ADCY3: variants seen among roughly 807,000 people sequenced by gnomAD.
ADCY3 encodes the protein adenylate cyclase 3, also known as adenylate cyclase type 3.
ADCY3 carries 70 observed loss-of-function variants against 119.4 expected under a neutral mutation model. The ratio of observed to expected loss-of-function variants is 0.59; its 90% confidence interval spans 0.48 to 0.72. The LOEUF is 0.72. Among genes scored for constraint, ADCY3 ranks in the 30% least tolerant of loss-of-function variants. ADCY3 has a pLI of 0.00. For synonymous variants in ADCY3, 672 were observed against 621.4 expected (o/e 1.08, Z -1.21); for missense variants, 1,238 against 1,541.6 (o/e 0.80, Z 3.30).
At chr2:24,858,842 C>G (rs77966139) in intron 3 of ADCY3, among the ~76,000 whole-genome samples, 3 of 152,216 alleles carry the variant, frequency 2.0e-5, no homozygotes, top group Non-Finnish European at 4.4e-5. Context: ...TCAGGTCCAC[C>G]CTGACACAGC....
rs142739110 is a variant in ADCY3, at chr2:24,912,536, C to T, written c.675+5777G>A. ...CCCAGAAGGCTGGGCAGACCAAGCC[C>T]AGGAGTGAGCACGCATGTGTGTGTG... On this transcript the variant is annotated intron_variant, in intron 2 of 21. Transcript: ENST00000679454. Among the ~76,000 whole-genome samples the T allele has an allele frequency of 3.8e-3, 575 of 150,536 alleles. 4 individuals are homozygous for T. Among genetic ancestry groups the T allele is most frequent in the African/African-American group, 0.013 (546 of 41,034 alleles).
At chr2:24,893,083 C>T (rs1161433855) in intron 2 of ADCY3, among the ~76,000 whole-genome samples, 4 of 146,226 alleles carry the variant, frequency 2.7e-5, no homozygotes, top group Non-Finnish European at 5.9e-5. Flanking sequence ...ATGCAAGCTG[C>T]AGTGCAGTTG....
At chr2:24,832,823 C>T (rs887917948) in intron 11 of ADCY3, among the ~76,000 whole-genome samples, 8 of 152,164 alleles carry the variant, frequency 5.3e-5, no homozygotes, top group Admixed American at 3.9e-4. Flanking sequence ...GCAAACTTCA[C>T]GTGTCCCAAA....
intron 3 of ADCY3, among the ~76,000 whole-genome samples, chr2:24,851,242 C>G (rs1160889334): frequency 6.6e-6 from 1 of 151,976 alleles, no homozygotes; most frequent in Non-Finnish European, 1.5e-5. Context: ...CAGGCACGAA[C>G]CAAGGAGACA....
At chr2:24,853,218 T>C (rs1346566572) in intron 3 of ADCY3, among the ~76,000 whole-genome samples, 1 of 151,960 alleles carries the variant, frequency 6.6e-6, no homozygotes, top group East Asian at 1.9e-4. Flanking sequence ...TGCGATGTGT[T>C]TTGAGGTGGA....
chr2:24,828,086 T>C lies in ADCY3; in HGVS notation c.2248A>G (p.Asn750Asp), dbSNP rs778849471. Residue 750 changes from asparagine (N) to aspartate (D), a missense_variant, in exon 14 of 22, where the codon AAC becomes GAC. By Grantham distance (23) the Asn-to-Asp change is conservative. Transcript: ENST00000679454. ...GCCACATAGTTGTAATACTTGGGGT[T>C]CTCCAGGCAGCTGCCCTCCGTTTCC... Reference protein sequence around the residue: ...GMETEGSCLENPKYYNYVAVL... With the variant: ...GMETEGSCLEDPKYYNYVAVL... The C allele has an allele frequency of 1.9e-6, 3 of 1,614,174 alleles. No individual in the cohort carries two copies. Among genetic ancestry groups the C allele is most frequent in the Non-Finnish European group, 1.7e-6 (2 of 1,180,028 alleles).
intron 3 of ADCY3, among the ~76,000 whole-genome samples, chr2:24,848,985 T>C (rs748091214): frequency 6.6e-6 from 1 of 152,186 alleles, no homozygotes; most frequent in Middle Eastern, 3.4e-3. Context: ...GCATTCAGGG[T>C]GCTGCTTGGG....
intron 2 of ADCY3, among the ~76,000 whole-genome samples, chr2:24,890,462 T>C (rs1271594893): frequency 6.6e-6 from 1 of 152,254 alleles, no homozygotes; most frequent in Non-Finnish European, 1.5e-5. Context: ...TGGGGTTTCC[T>C]TTGTGGAAGG....
intron 2 of ADCY3, among the ~76,000 whole-genome samples, chr2:24,896,363 T>C (rs935594401): frequency 6.6e-6 from 1 of 151,976 alleles, no homozygotes; most frequent in African/African-American, 2.4e-5. Context: ...CCAGCCTGGG[T>C]AACAAAGTGA....
intron 2 of ADCY3, among the ~76,000 whole-genome samples, chr2:24,895,183 T>C (rs952659699): frequency 6.6e-6 from 1 of 152,096 alleles, no homozygotes; most frequent in Non-Finnish European, 1.5e-5. Context: ...CTCCTCCTCA[T>C]GGGTTCAAGC....
At position 24,830,706 on chromosome 2, in the gene ADCY3, C is replaced by T; in HGVS notation, c.2172+3G>A. The T allele has an allele frequency of 1.2e-6, 2 of 1,612,758 alleles. No individual in the cohort carries two copies. The highest frequency in any genetic ancestry group is 1.7e-6 in the Non-Finnish European group (2 of 1,179,012). Reference sequence around the variant, plus strand: ...CCCTTCAACAAGGACAGCAGGAGCTCACCATGTCCACGACATTTGCCATCA... The same window carrying T: ...CCCTTCAACAAGGACAGCAGGAGCTTACCATGTCCACGACATTTGCCATCA... On this transcript the variant is annotated splice_donor_region_variant and intron_variant, in intron 13 of 21. Coordinates refer to ENST00000679454, the MANE Select transcript of ADCY3 (RefSeq NM_004036.5).
intron 2 of ADCY3, among the ~76,000 whole-genome samples, chr2:24,873,014 C>G (rs576332052): frequency 7.2e-5 from 11 of 152,342 alleles, no homozygotes; most frequent in African/African-American, 2.2e-4. Context: ...TGTGGATCCC[C>G]CCTCCGGCTT....
chr2:24,895,430 G>A (rs1448586178), intron 2 of ADCY3, among the ~76,000 whole-genome samples: 1 of 151,994 alleles, frequency 6.6e-6, no homozygotes. Flanking sequence ...GTATTCTGTT[G>A]AGCTTCTTGA....
intron 8 of ADCY3, 77 bp from the exon 9 acceptor site, chr2:24,837,122 C>T (rs555387365): frequency 7.6e-5 from 115 of 1,507,164 alleles, no homozygotes; most frequent in Middle Eastern, 3.6e-4. Flanking sequence ...GTGACAAGGG[C>T]GTGGGAGGCG....
At chr2:24,896,392 A>T (rs932134943) in intron 2 of ADCY3, among the ~76,000 whole-genome samples, 2 of 152,166 alleles carry the variant, frequency 1.3e-5, no homozygotes, top group African/African-American at 4.8e-5. Context: ...TACAAAAAAA[A>T]AAAAGTTATT....
chr2:24,826,017 G>A (rs767487859), intron 16 of ADCY3, 28 bp downstream of exon 16: 4 of 1,608,802 alleles, frequency 2.5e-6, no homozygotes, highest in Non-Finnish European at 2.6e-6. Flanking sequence ...TGTGGGCACA[G>A]AGCGGGGATC....
In ADCY3 at chr2:24,919,046, T is replaced by C. The variant is rs568481530; in HGVS notation, c.-59A>G. Reference sequence around the variant, plus strand: ...TGGACTGGGAACGGAGGAAGAGCTCTGGACTGGGCCTCCTCTCAGGGCTCT... The same window carrying C: ...TGGACTGGGAACGGAGGAAGAGCTCCGGACTGGGCCTCCTCTCAGGGCTCT... On this transcript the variant is annotated 5_prime_UTR_variant, in exon 2 of 22. Coordinates refer to ENST00000679454, the MANE Select transcript of ADCY3 (RefSeq NM_004036.5). This position sits in a 1 kb window ranked among gnomAD's most constrained non-coding sequence, Gnocchi z 5.5. 3.8e-4 allele frequency: 562 copies of C among 1,470,588 alleles called. 3 individuals carry two copies. The African/African-American group carries it at 7.0e-3, about 18-fold the overall frequency. 91.1% of individuals were successfully genotyped at this position (1,470,588 alleles called of 1,614,324 possible). A position where few individuals can be genotyped will look rare whatever the true frequency, so the allele number is the denominator to read the frequency against.
chr2:24,912,569 A>ATGTG (rs1436630372), intron 2 of ADCY3, among the ~76,000 whole-genome samples: 1 of 39,658 alleles, frequency 2.5e-5, no homozygotes, highest in East Asian at 5.9e-4. Context: ...GTGTGTGTGC[A>ATGTG]TGTGTGTGTG....
At chr2:24,897,400 C>A (rs546509036) in intron 2 of ADCY3, among the ~76,000 whole-genome samples, 3 of 152,154 alleles carry the variant, frequency 2.0e-5, no homozygotes, top group Non-Finnish European at 4.4e-5. Context: ...CTGCCCTTGG[C>A]ATAAAGAGCC....
Sources: allele counts gnomAD v4.1 joint callset (sites outside exome capture counted in the v4.1 genomes callset), GRCh38; gene constraint gnomAD v4.1.1; non-coding constraint Gnocchi (gnomAD v3.1); transcripts MANE v1.5; gene names NCBI Gene and HGNC (gene_info 2026-07-23, HGNC 2026-07-21).